The following ASCC3 variants were observed in gnomAD, a reference collection of about 807,000 sequenced individuals.
The protein encoded by ASCC3 is ASC-1 complex subunit P200.
ASCC3 carries 158 observed loss-of-function variants against 256.3 expected under a neutral mutation model. The ratio of observed to expected loss-of-function variants is 0.62; its 90% CI spans 0.54 to 0.70. ASCC3 has a LOEUF of 0.70. Among genes scored for constraint, ASCC3 ranks in the 30% least tolerant of loss-of-function variants. The pLI, the probability that ASCC3 is intolerant of heterozygous loss-of-function variation, is 0.00. For missense variants in ASCC3, 2,259 were observed against 2,626.0 expected, an observed-to-expected ratio of 0.86 and a Z score of 3.05; for synonymous variants, 948 against 883.4, an observed-to-expected ratio of 1.07 and a Z score of -1.30.
intron 10 of ASCC3, among the ~76,000 whole-genome samples, chr6:100,752,843 T>C (rs1780998427): frequency 6.6e-6 from 1 of 152,134 alleles, no homozygotes; most frequent in Non-Finnish European, 1.5e-5. Flanking sequence ...TTAAATGGAA[T>C]GTCTCTCAAA....
intron 10 of ASCC3, among the ~76,000 whole-genome samples, chr6:100,738,778 G>A (rs1780297537): frequency 6.6e-6 from 1 of 152,032 alleles, no homozygotes; most frequent in African/African-American, 2.4e-5. Flanking sequence ...AGCAATTTTT[G>A]CACATTGGTT....
At chr6:100,643,363 C>T (rs1187879737) in intron 23 of ASCC3, among the ~76,000 whole-genome samples, 1 of 151,982 alleles carries the variant, frequency 6.6e-6, no homozygotes, top group Non-Finnish European at 1.5e-5. Flanking sequence ...TCTTTTAATC[C>T]AATAGTATTC....
intron 36 of ASCC3, among the ~76,000 whole-genome samples, chr6:100,569,529 C>G (rs1204843643): frequency 1.3e-5 from 2 of 151,956 alleles, no homozygotes; most frequent in Non-Finnish European, 2.9e-5. Flanking sequence ...ACTACAGGAC[C>G]CCACCAACAT....
intron 36 of ASCC3, among the ~76,000 whole-genome samples, chr6:100,544,464 C>T (rs1169364647): frequency 6.6e-6 from 1 of 151,962 alleles, no homozygotes; most frequent in Non-Finnish European, 1.5e-5. Context: ...ACACCAATAT[C>T]AGGTATAAGA....
intron 36 of ASCC3, among the ~76,000 whole-genome samples, chr6:100,586,243 G>A (rs551771826): frequency 3.5e-4 from 54 of 152,318 alleles, no homozygotes; most frequent in African/African-American, 1.2e-3. Context: ...CACCCAGTTC[G>A]AGCTTCCCAG....
At chr6:100,735,661 T>A (rs1292294452) in intron 10 of ASCC3, among the ~76,000 whole-genome samples, 1 of 152,068 alleles carries the variant, frequency 6.6e-6, no homozygotes, top group East Asian at 1.9e-4. Flanking sequence ...CATAATTCCA[T>A]CCTAGAAAAA....
At chr6:100,852,841 G>T (rs1040439895) in intron 3 of ASCC3, among the ~76,000 whole-genome samples, 4 of 151,978 alleles carry the variant, frequency 2.6e-5, no homozygotes, top group African/African-American at 9.7e-5. Flanking sequence ...TACCCACCTG[G>T]CACTTCAACT....
chr6:100,832,272 TGGAA>T (rs1294520232), intron 4 of ASCC3, among the ~76,000 whole-genome samples: 1 of 152,122 alleles, frequency 6.6e-6, no homozygotes, highest in Non-Finnish European at 1.5e-5. Flanking sequence ...CAAATGATGC[TGGAA>T]GGAAGTGGGG....
In ASCC3 at chr6:100,590,085, A is replaced by C. The variant is rs377512300; in HGVS notation, c.5304-26T>G. The C allele has an allele frequency of 5.3e-6, 8 of 1,514,640 alleles. No individual in the cohort carries two copies. In the African/African-American group the frequency reaches 9.6e-5, roughly 18 times the overall value. The allele number at this position is 1,514,640 out of a possible 1,614,324, so 93.8% of individuals were successfully genotyped here. On this transcript the variant is annotated intron_variant, in intron 34 of 41. Coordinates refer to ENST00000369162, the MANE Select transcript of ASCC3 (RefSeq NM_006828.4). Reference sequence around the variant, plus strand: ...CTAGAAAACAAGCAAGGTTATTATTATTTGTTTCAAGACATTTTCTACTAA... The same window carrying C: ...CTAGAAAACAAGCAAGGTTATTATTCTTTGTTTCAAGACATTTTCTACTAA...
At chr6:100,664,472 A>T (rs917766317) in intron 14 of ASCC3, among the ~76,000 whole-genome samples, 3 of 152,142 alleles carry the variant, frequency 2.0e-5, no homozygotes, top group Non-Finnish European at 4.4e-5. Flanking sequence ...GTGGCCAACC[A>T]AGTAAATAAC....
chr6:100,714,597 A>G (rs1224414707), intron 13 of ASCC3, among the ~76,000 whole-genome samples: 2 of 152,130 alleles, frequency 1.3e-5, no homozygotes, highest in African/African-American at 4.8e-5. Context: ...GTATAAGATA[A>G]TCTTACCAGC....
rs1379350376 is a variant in ASCC3 at position 100,509,943 on chromosome 6, T to C, written c.6450A>G (p.Glu2150=). Residue 2150 remains glutamate, a synonymous_variant, in exon 41 of 42, where the codon GAA becomes GAG. Transcript: ENST00000369162. Reference sequence around the variant, plus strand: ...AGGATTCTTCTTACCTTCCAGGTATTTCAGGGGTATAAAAAGAAAGGGAAG... The same window carrying C: ...AGGATTCTTCTTACCTTCCAGGTATCTCAGGGGTATAAAAAGAAAGGGAAG... The part of the protein sequence containing the change: ...HVASLSFYTP[E]IPGRYIYTLY... The C allele has an allele frequency of 6.2e-7, 1 of 1,613,766 alleles. No individual in the cohort carries two copies. Among genetic ancestry groups the C allele is most frequent in the African/African-American group, 1.3e-5 (1 of 74,882 alleles).
intron 1 of ASCC3, among the ~76,000 whole-genome samples, chr6:100,880,607 C>A (rs144537938): frequency 6.8e-6 from 1 of 147,442 alleles, no homozygotes; most frequent in Non-Finnish European, 1.5e-5. Context: ...TCCTTGATTG[C>A]GAAATTCACC....
At chr6:100,586,447 T>C (rs1265747748) in intron 36 of ASCC3, among the ~76,000 whole-genome samples, 1 of 152,198 alleles carries the variant, frequency 6.6e-6, no homozygotes, top group Non-Finnish European at 1.5e-5. Flanking sequence ...AAGTGCAGTA[T>C]TCGGGTGGGA....
chr6:100,804,159 CAT>C (rs1770054372), intron 5 of ASCC3, among the ~76,000 whole-genome samples: 1 of 152,018 alleles, frequency 6.6e-6, no homozygotes, highest in Admixed American at 6.6e-5. Context: ...TGTGCTTAGA[CAT>C]GTGCTAAAGA....
Position 100,644,221 on chromosome 6 carries a change from T to A in ASCC3, c.3634-92A>T, listed in dbSNP as rs1220259840. ...TCTCACTCTAGAAGCTTTATTGATATATCATTTATATTACAAAGTTTACTC... is the reference window on the plus strand; with the variant it reads ...TCTCACTCTAGAAGCTTTATTGATAAATCATTTATATTACAAAGTTTACTC... On this transcript the variant is annotated intron_variant, in intron 22 of 41. Coordinates refer to ENST00000369162, the MANE Select transcript of ASCC3 (RefSeq NM_006828.4). 8 of 823,230 alleles carry A rather than the reference T, an allele frequency of 9.7e-6. No individual in the cohort carries two copies. In the Admixed American group the frequency reaches 1.5e-4, roughly 15 times the overall value. 51.0% of individuals were successfully genotyped at this position (823,230 alleles called of 1,614,324 possible).
chr6:100,794,336 T>C (rs1769494582), intron 8 of ASCC3, among the ~76,000 whole-genome samples: 1 of 152,130 alleles, frequency 6.6e-6, no homozygotes, highest in South Asian at 2.1e-4. Flanking sequence ...ACATATGGCC[T>C]ACATGCTAAT....
intron 4 of ASCC3, among the ~76,000 whole-genome samples, chr6:100,824,236 C>T (rs565490217): frequency 6.6e-6 from 1 of 152,308 alleles, no homozygotes; most frequent in East Asian, 1.9e-4. Flanking sequence ...CCCTGCTTCT[C>T]TGACTACAGT....
chr6:100,544,783 C>A (rs1172403370), intron 36 of ASCC3, among the ~76,000 whole-genome samples: 1 of 152,082 alleles, frequency 6.6e-6, no homozygotes, highest in Non-Finnish European at 1.5e-5. Context: ...CCTGGAACAT[C>A]AAAGAGACAG....
Sources: gnomAD v4.1 joint callset for allele counts (sites outside exome capture counted in the v4.1 genomes callset) on GRCh38, gnomAD v4.1.1 for gene constraint, MANE v1.5 for transcripts, NCBI Gene and HGNC (gene_info 2026-07-23, HGNC 2026-07-21) for gene names.